MATN2: variants seen among roughly 807,000 people sequenced by gnomAD.
MATN2 encodes the protein matrilin 2, also known as matrilin-2.
MATN2 carries 69 observed loss-of-function variants against 103.2 expected under a neutral mutation model. The observed-to-expected ratio is 0.67, with a 90% CI of 0.55 to 0.82. The LOEUF is 0.82. MATN2 is among the 40% of genes least tolerant of loss of function. The probability of loss-of-function intolerance (pLI) is 0.00; values close to 1 mark genes in which losing one functional copy is unlikely to be tolerated. For synonymous variants in MATN2, 429 were observed against 450.2 expected (o/e 0.95, Z 0.60); for missense variants, 1,023 against 1,211.5 (o/e 0.84, Z 2.31).
intron 10 of MATN2, among the ~76,000 whole-genome samples, chr8:98,008,115 C>T (rs1436565513): frequency 6.6e-6 from 1 of 152,110 alleles, no homozygotes; most frequent in Non-Finnish European, 1.5e-5. Context: ...GAGGATGCTC[C>T]TGAGAAACGC....
At chr8:97,917,651 A>C (rs1809676087) in intron 2 of MATN2, among the ~76,000 whole-genome samples, 1 of 152,162 alleles carries the variant, frequency 6.6e-6, no homozygotes, top group Non-Finnish European at 1.5e-5. Context: ...CAGGCATTCA[A>C]AGCAGGGTGT....
intron 10 of MATN2, among the ~76,000 whole-genome samples, chr8:98,013,930 G>A (rs951309495): frequency 2.0e-5 from 3 of 152,000 alleles, no homozygotes; most frequent in African/African-American, 7.2e-5. Context: ...GCAACATAGT[G>A]GGACCCCATC....
intron 2 of MATN2, among the ~76,000 whole-genome samples, chr8:97,910,328 G>A (rs12682048): frequency 0.14 from 21,622 of 152,158 alleles, 1,739 homozygotes; most frequent in Non-Finnish European, 0.18. Flanking sequence ...AAAGTGCTGG[G>A]ATTACAGGTA....
chr8:97,953,293 A>G (rs190957809), intron 4 of MATN2, among the ~76,000 whole-genome samples: 31 of 152,294 alleles, frequency 2.0e-4, no homozygotes, highest in Admixed American at 1.7e-3. Flanking sequence ...ACTCTCTGCC[A>G]TGCTTAAATA....
chr8:97,927,502 C>A (rs1405259297), intron 2 of MATN2, among the ~76,000 whole-genome samples: 1 of 152,164 alleles, frequency 6.6e-6, no homozygotes, highest in Non-Finnish European at 1.5e-5. Flanking sequence ...AGTTGAGATG[C>A]ACACTTGAGT....
chr8:97,874,389 C>CTCTTCT (rs10635068), intron 1 of MATN2, among the ~76,000 whole-genome samples: 4 of 139,938 alleles, frequency 2.9e-5, no homozygotes, highest in Non-Finnish European at 3.1e-5. Context: ...TTCTGCCTTC[C>CTCTTCT]TCTTCTTCTT....
rs569928040 is a variant in MATN2, at chr8:97,971,718, G to A, written c.959-7168G>A. 9.9e-4 allele frequency among the ~76,000 whole-genome samples: 151 copies of A among 152,206 alleles called. 1 individual carries two copies. In the Middle Eastern group the frequency reaches 0.017, roughly 17 times the overall value. ...TCCTGTTTGCATCTTATCTACCCAG[G>A]CAGATTGTAAACCCTTGAGGGCAAA... On this transcript the variant is annotated intron_variant, in intron 5 of 18. Transcript: ENST00000254898.
chr8:97,914,774 C>T lies in MATN2; in HGVS notation c.143-16179C>T, dbSNP rs565027880. On this transcript the variant is annotated intron_variant, in intron 2 of 18. Transcript: ENST00000254898. ...ACCTGTGGTTACCTGGGTGCGTGTG[C>T]ATCCCACTCTGTTCTGGCCTCCAGC... is the stretch of plus-strand genomic sequence containing the variant. 1.3e-4 allele frequency among the ~76,000 whole-genome samples: 20 copies of T among 152,310 alleles called. No individual in the cohort carries two copies. The South Asian group carries it at 1.4e-3, about 11-fold the overall frequency.
intron 17 of MATN2, 73 bp from the exon 18 acceptor site, chr8:98,033,488 T>C: frequency 1.3e-6 from 1 of 789,426 alleles, no homozygotes; most frequent in Admixed American, 2.9e-5. Flanking sequence ...CATATGCTGA[T>C]TCATTCCTAT....
intron 5 of MATN2, among the ~76,000 whole-genome samples, chr8:97,974,409 G>A (rs1452824790): frequency 6.6e-6 from 1 of 151,474 alleles, no homozygotes; most frequent in Non-Finnish European, 1.5e-5. Flanking sequence ...AAAGCGCTGG[G>A]ATTACAGATG....
At chr8:97,887,293 C>A (rs955640726) in intron 1 of MATN2, among the ~76,000 whole-genome samples, 2 of 152,092 alleles carry the variant, frequency 1.3e-5, no homozygotes, top group African/African-American at 4.8e-5. Flanking sequence ...AGCAATCCTT[C>A]TATCTAGGCC....
intron 4 of MATN2, among the ~76,000 whole-genome samples, chr8:97,945,060 A>G (rs1810699326): frequency 6.6e-6 from 1 of 152,252 alleles, no homozygotes; most frequent in Non-Finnish European, 1.5e-5. Flanking sequence ...GAAATAAAAT[A>G]GTGAATAACA....
Position 98,016,677 on chromosome 8 carries a change from G to T in MATN2, c.1696+15G>T. 1 of 1,607,996 alleles carries T rather than the reference G, an allele frequency of 6.2e-7. No individual in the cohort carries two copies. Among genetic ancestry groups the T allele is most frequent in the South Asian group, 1.1e-5 (1 of 89,984 alleles). Reference sequence around the variant, plus strand: ...AACCTGCAGAAGTAAGTTTGTACTGGAGCTGGCTCCTACTACTATGCCAGA... The same window carrying T: ...AACCTGCAGAAGTAAGTTTGTACTGTAGCTGGCTCCTACTACTATGCCAGA... On this transcript the variant is annotated intron_variant, in intron 11 of 18. Coordinates refer to ENST00000254898, the MANE Select transcript of MATN2 (RefSeq NM_002380.5).
intron 13 of MATN2, among the ~76,000 whole-genome samples, chr8:98,027,092 A>G (rs1400978373): frequency 1.3e-5 from 2 of 152,226 alleles, no homozygotes; most frequent in African/African-American, 4.8e-5. Flanking sequence ...TAGACCCTTC[A>G]GTGTACTCTA....
intron 18 of MATN2, chr8:98,034,336 C>T: frequency 2.6e-6 from 1 of 379,066 alleles, no homozygotes; most frequent in South Asian, 1.9e-5. Context: ...GCCAAGTGCT[C>T]TAAACTTAAA....
chr8:97,966,086 C>G (rs1447998751), intron 5 of MATN2, among the ~76,000 whole-genome samples: 14 of 150,592 alleles, frequency 9.3e-5, no homozygotes, highest in Non-Finnish European at 1.5e-5. Context: ...CCCAGGAGAT[C>G]ATTCAAGGCT....
chr8:98,026,908 A>C (rs575890769), intron 13 of MATN2, among the ~76,000 whole-genome samples: 11 of 152,274 alleles, frequency 7.2e-5, no homozygotes, highest in African/African-American at 2.4e-4. Flanking sequence ...TTTTGGTTGA[A>C]TAAATTAGTA....
At chr8:97,958,475 G>A (rs4401818) in intron 4 of MATN2, among the ~76,000 whole-genome samples, 8,250 of 152,262 alleles carry the variant, frequency 0.054, 761 homozygotes, top group African/African-American at 0.19. Context: ...CACATACGTA[G>A]TTAACATTAT....
At chr8:97,872,119 C>G (rs1323570780) in intron 1 of MATN2, among the ~76,000 whole-genome samples, 2 of 152,062 alleles carry the variant, frequency 1.3e-5, no homozygotes, top group African/African-American at 4.8e-5. Context: ...TTGTCTGAGC[C>G]TTGGTTTATA....
Sources: gnomAD v4.1 joint callset for allele counts (sites outside exome capture counted in the v4.1 genomes callset) on GRCh38, gnomAD v4.1.1 for gene constraint, MANE v1.5 for transcripts, NCBI Gene and HGNC (gene_info 2026-07-23, HGNC 2026-07-21) for gene names.